Variants in OLFM2 observed in about 807,000 individuals in gnomAD.
OLFM2 encodes olfactomedin 2, also known as noelin-2.
In OLFM2, 20 loss-of-function variants were observed where a neutral mutation model predicts 43.9. The observed-to-expected ratio is 0.46, with a 90% CI of 0.32 to 0.66. The LOEUF (loss-of-function observed/expected upper bound fraction) is 0.66. Among genes scored for constraint, OLFM2 ranks in the 30% least tolerant of loss-of-function variants. The pLI, the probability that OLFM2 is intolerant of heterozygous loss-of-function variation, is 0.04. For synonymous variants in OLFM2, 268 were observed against 278.6 expected, an observed-to-expected ratio of 0.96 and a Z score of 0.38; for missense variants, 416 against 643.6, an observed-to-expected ratio of 0.65 and a Z score of 3.83.
At chr19:9,919,464 G>GCCGAGACCTCATTTCTT (rs2086406510) in intron 1 of OLFM2, among the ~76,000 whole-genome samples, 1 of 149,748 alleles carries the variant, frequency 6.7e-6, no homozygotes, top group Non-Finnish European at 1.5e-5. Flanking sequence ...ACCTTGCCCG[G>GCCGAGACCTCATTTCTT]CCGAGACCTC....
chr19:9,883,174 A>T (rs2145456946), intron 1 of OLFM2, among the ~76,000 whole-genome samples: 1 of 148,528 alleles, frequency 6.7e-6, no homozygotes, highest in Admixed American at 6.9e-5. Context: ...GCACCACTGA[A>T]CTCCAGCCTG....
chr19:9,889,428 T>C (rs1473195039), intron 1 of OLFM2, among the ~76,000 whole-genome samples: 2 of 151,740 alleles, frequency 1.3e-5, no homozygotes, highest in African/African-American at 4.8e-5. Flanking sequence ...TTTGTCTTCT[T>C]TTGTAGAGAT....
intron 1 of OLFM2, among the ~76,000 whole-genome samples, chr19:9,890,126 C>T (rs1191394523): frequency 6.6e-6 from 1 of 152,096 alleles, no homozygotes; most frequent in Non-Finnish European, 1.5e-5. Flanking sequence ...TCCCCTCTTC[C>T]AAGCTGCAGC....
intron 1 of OLFM2, among the ~76,000 whole-genome samples, chr19:9,872,911 C>G (rs918398313): frequency 3.3e-5 from 5 of 152,192 alleles, no homozygotes; most frequent in African/African-American, 1.2e-4. Flanking sequence ...TCCCCAAGCT[C>G]TACTCCCATT....
At chr19:9,906,261 C>T (rs924004592) in intron 1 of OLFM2, among the ~76,000 whole-genome samples, 1 of 152,128 alleles carries the variant, frequency 6.6e-6, no homozygotes, top group Admixed American at 6.6e-5. Context: ...CTGCCATCCA[C>T]TCATTGGCTG....
rs1448524067 is a variant in OLFM2 at position 9,860,559 on chromosome 19, A to G, written c.213+86T>C. The G allele has an allele frequency of 6.9e-6, 10 of 1,454,684 alleles. No homozygotes were observed. In the African/African-American group the frequency reaches 1.1e-4, roughly 16 times the overall value. The allele number at this position is 1,454,684 out of a possible 1,614,324, so 90.1% of individuals were successfully genotyped here. ...ATAATTTGCATAGCTGGATATGGCC[A>G]CTGGCTGACCTGGATGGGGCTGGAG... On this transcript the variant is annotated intron_variant, in intron 2 of 5. Coordinates refer to ENST00000264833, the MANE Select transcript of OLFM2 (RefSeq NM_058164.4).
intron 1 of OLFM2, among the ~76,000 whole-genome samples, chr19:9,906,644 A>G (rs1222326025): frequency 1.3e-5 from 2 of 152,050 alleles, no homozygotes; most frequent in African/African-American, 4.8e-5. Context: ...AGAGATACGG[A>G]CTCTGAAATG....
intron 1 of OLFM2, among the ~76,000 whole-genome samples, chr19:9,867,762 G>A (rs766148255): frequency 8.5e-5 from 13 of 152,056 alleles, no homozygotes; most frequent in African/African-American, 1.4e-4. Flanking sequence ...CATTTTATTC[G>A]GCCAATCCAA....
chr19:9,861,823 C>T (rs543646232), intron 1 of OLFM2, among the ~76,000 whole-genome samples: 1 of 152,232 alleles, frequency 6.6e-6, no homozygotes, highest in Admixed American at 6.5e-5. Context: ...GTTTTGAGAA[C>T]AGCCTGGCCA....
At chr19:9,881,771 G>A (rs1410247211) in intron 1 of OLFM2, among the ~76,000 whole-genome samples, 3 of 151,800 alleles carry the variant, frequency 2.0e-5, no homozygotes, top group Admixed American at 6.6e-5. Context: ...GTGCTGGGAC[G>A]ACAGGTGTGA....
chr19:9,862,317 C>T (rs921657272), intron 1 of OLFM2, among the ~76,000 whole-genome samples: 18 of 151,752 alleles, frequency 1.2e-4, no homozygotes, highest in African/African-American at 3.9e-4. Flanking sequence ...ACTTGAGGGA[C>T]GAGTGAGACA....
intron 1 of OLFM2, among the ~76,000 whole-genome samples, chr19:9,904,344 C>A (rs1459152645): frequency 6.6e-6 from 1 of 151,998 alleles, no homozygotes; most frequent in East Asian, 1.9e-4. Context: ...GCATGTACCA[C>A]CACGCCCAGC....
intron 1 of OLFM2, among the ~76,000 whole-genome samples, chr19:9,909,560 C>A (rs2144988935): frequency 7.7e-6 from 1 of 129,256 alleles, no homozygotes; most frequent in South Asian, 2.5e-4. Context: ...GCAGGACCCC[C>A]AAGGCTCTAC....
intron 1 of OLFM2, among the ~76,000 whole-genome samples, chr19:9,890,056 A>C (rs2046624697): frequency 6.6e-6 from 1 of 151,918 alleles, no homozygotes; most frequent in African/African-American, 2.4e-5. Context: ...TGGCGCTGGG[A>C]GCTCACACGG....
chr19:9,857,605 G>C lies in OLFM2; in HGVS notation c.360+110C>G, dbSNP rs765519524. 2 of 1,560,992 alleles carry C rather than the reference G, an allele frequency of 1.3e-6. No individual in the cohort carries two copies. The highest frequency in any genetic ancestry group is 1.8e-6 in the Non-Finnish European group (2 of 1,136,324). On this transcript the variant is annotated intron_variant, in intron 3 of 5. Transcript: ENST00000264833. This position sits in a 1 kb window ranked among gnomAD's most constrained non-coding sequence, Gnocchi z 5.7. ...ATGCACACCTGGCCCTTGACATGTG[G>C]CTCATATTGGACCCTAGATTCTTCC... is the stretch of plus-strand genomic sequence containing the variant.
At chr19:9,877,524 AC>A (rs1297667608) in intron 1 of OLFM2, among the ~76,000 whole-genome samples, 1 of 147,294 alleles carries the variant, frequency 6.8e-6, no homozygotes, top group African/African-American at 2.5e-5. Context: ...CAAGAGAGAA[AC>A]TCTGTCTCAA....
chr19:9,905,177 A>T (rs6511241), intron 1 of OLFM2, among the ~76,000 whole-genome samples: 1 of 151,308 alleles, frequency 6.6e-6, no homozygotes, highest in Non-Finnish European at 1.5e-5. Flanking sequence ...CAAAAAAAAG[A>T]CCGGGTGCGG....
At chr19:9,908,491 T>G (rs2046801430) in intron 1 of OLFM2, among the ~76,000 whole-genome samples, 1 of 94,148 alleles carries the variant, frequency 1.1e-5, no homozygotes, top group East Asian at 3.4e-4. Flanking sequence ...TTTTTTTTTT[T>G]TTTTGAGACA....
Position 9,854,095 on chromosome 19 carries a change from G to C in OLFM2, c.*91C>G, listed in dbSNP as rs561507303. On this transcript the variant is annotated 3_prime_UTR_variant, in exon 6 of 6. Coordinates refer to ENST00000264833, the MANE Select transcript of OLFM2 (RefSeq NM_058164.4). This position sits in a 1 kb window ranked among gnomAD's most constrained non-coding sequence, Gnocchi z 9.5. ...GGGGAGAAAGGGCGTGACAGAGACA[G>C]AGAGATCACCCTTGAGGGACACAGG... 6.4e-5 allele frequency: 75 copies of C among 1,173,718 alleles called. No homozygotes were observed. In the South Asian group the frequency reaches 9.3e-4, roughly 15 times the overall value. 72.7% of individuals were successfully genotyped at this position (1,173,718 alleles called of 1,614,324 possible). A position where few individuals can be genotyped will look rare whatever the true frequency, so the allele number is the denominator to read the frequency against.
Sources: gnomAD v4.1 joint callset for allele counts (sites outside exome capture counted in the v4.1 genomes callset) on GRCh38, gnomAD v4.1.1 for gene constraint, Gnocchi (gnomAD v3.1) non-coding constraint, MANE v1.5 for transcripts, NCBI Gene and HGNC (gene_info 2026-07-23, HGNC 2026-07-21) for gene names.